Variants in CHSY3 observed in about 807,000 individuals in gnomAD.
The protein encoded by CHSY3 is chondroitin sulfate synthase 3, also known as N-acetylgalactosaminyl-proteoglycan 3-beta-glucuronosyltransferase 3.
In CHSY3, 35 loss-of-function variants were observed where a neutral mutation model predicts 67.2. That is an observed-to-expected ratio of 0.52 (90% confidence interval 0.40 to 0.69). The LOEUF (loss-of-function observed/expected upper bound fraction) is 0.69, where lower values mean the gene tolerates loss of function less well. Among genes scored for constraint, CHSY3 ranks in the 30% least tolerant of loss-of-function variants. The probability of loss-of-function intolerance (pLI) is 0.00; values close to 1 mark genes in which losing one functional copy is unlikely to be tolerated. For synonymous variants in CHSY3, 474 were observed against 434.7 expected (o/e 1.09, Z -1.12); for missense variants, 1,069 against 1,138.5 (o/e 0.94, Z 0.88).
intron 2 of CHSY3, among the ~76,000 whole-genome samples, chr5:130,043,637 C>T (rs534672913): frequency 3.0e-4 from 46 of 152,266 alleles, no homozygotes; most frequent in African/African-American, 1.0e-3. Flanking sequence ...TTATCCTTTG[C>T]AGTACTGTTG....
At chr5:129,957,551 T>A (rs968647916) in intron 2 of CHSY3, among the ~76,000 whole-genome samples, 2 of 152,152 alleles carry the variant, frequency 1.3e-5, no homozygotes, top group African/African-American at 4.8e-5. Flanking sequence ...GTATCTGTAG[T>A]TTTTCCTCAC....
chr5:129,987,085 C>T (rs1433374918), intron 2 of CHSY3, among the ~76,000 whole-genome samples: 1 of 151,480 alleles, frequency 6.6e-6, no homozygotes, highest in Non-Finnish European at 1.5e-5. Flanking sequence ...ATTAAAGTTC[C>T]TTTTTCTGTG....
At chr5:129,960,950 A>G (rs2149607504) in intron 2 of CHSY3, among the ~76,000 whole-genome samples, 1 of 152,246 alleles carries the variant, frequency 6.6e-6, no homozygotes, top group Admixed American at 6.6e-5. Flanking sequence ...AGCCGTGTCC[A>G]CCAGTGGATA....
intron 2 of CHSY3, among the ~76,000 whole-genome samples, chr5:130,065,011 G>A (rs1765837802): frequency 6.6e-6 from 1 of 152,092 alleles, no homozygotes. Context: ...TCATTACCCT[G>A]TGTCATTGAT....
chr5:129,958,086 G>A (rs560693826), intron 2 of CHSY3, among the ~76,000 whole-genome samples: 1 of 152,040 alleles, frequency 6.6e-6, no homozygotes, highest in East Asian at 1.9e-4. Context: ...CTAAATATTT[G>A]TAATGTTCTC....
chr5:130,065,869 C>A (rs900265311), intron 2 of CHSY3, among the ~76,000 whole-genome samples: 1 of 152,082 alleles, frequency 6.6e-6, no homozygotes, highest in Admixed American at 6.6e-5. Context: ...CCTCCCCTGT[C>A]GTATTGGTTC....
intron 2 of CHSY3, among the ~76,000 whole-genome samples, chr5:129,954,474 T>G (rs970544035): frequency 6.6e-6 from 1 of 151,660 alleles, no homozygotes. Flanking sequence ...TTTTTTTTTT[T>G]GGTTCCATAT....
chr5:130,100,118 G>T (rs1200267989), intron 2 of CHSY3, among the ~76,000 whole-genome samples: 1 of 152,164 alleles, frequency 6.6e-6, no homozygotes, highest in East Asian at 1.9e-4. Flanking sequence ...ACAGAGATAA[G>T]GTATGGGAAT....
chr5:129,930,289 C>T (rs1453498621), intron 2 of CHSY3, among the ~76,000 whole-genome samples: 2 of 150,292 alleles, frequency 1.3e-5, no homozygotes, highest in African/African-American at 2.5e-5. Context: ...GACAAGGTCT[C>T]GCCACCGCAC....
At chr5:130,171,598 A>T (rs1473312738) in intron 2 of CHSY3, among the ~76,000 whole-genome samples, 1 of 152,216 alleles carries the variant, frequency 6.6e-6, no homozygotes, top group Non-Finnish European at 1.5e-5. Flanking sequence ...TGTATAGAAT[A>T]TATCTTTCTG....
chr5:129,933,593 T>C (rs958962594), intron 2 of CHSY3, among the ~76,000 whole-genome samples: 1 of 152,192 alleles, frequency 6.6e-6, no homozygotes, highest in African/African-American at 2.4e-5. Context: ...TAATTTTACT[T>C]GTGTACAGAA....
intron 2 of CHSY3, among the ~76,000 whole-genome samples, chr5:130,082,829 C>G (rs557129439): frequency 1.3e-5 from 2 of 151,668 alleles, no homozygotes; most frequent in Admixed American, 1.3e-4. Context: ...GACAGTAGTC[C>G]TCCTGAAATG....
At chr5:130,115,304 G>A (rs1767756784) in intron 2 of CHSY3, among the ~76,000 whole-genome samples, 1 of 151,752 alleles carries the variant, frequency 6.6e-6, no homozygotes, top group South Asian at 2.1e-4. Context: ...TATGTTTAAT[G>A]TTTTAATGGT....
intron 2 of CHSY3, among the ~76,000 whole-genome samples, chr5:130,103,770 G>C (rs916975734): frequency 6.6e-6 from 1 of 151,940 alleles, no homozygotes; most frequent in Non-Finnish European, 1.5e-5. Context: ...TTGACTCCTT[G>C]TTTATAGCCA....
At chr5:130,035,766 G>T (rs141195050) in intron 2 of CHSY3, among the ~76,000 whole-genome samples, 187 of 151,934 alleles carry the variant, frequency 1.2e-3, no homozygotes, top group African/African-American at 4.2e-3. Flanking sequence ...CAAATGACAA[G>T]ATCAGTGCAG....
intron 2 of CHSY3, among the ~76,000 whole-genome samples, chr5:129,926,257 ATTAT>A (rs1434657901): frequency 6.6e-6 from 1 of 152,030 alleles, no homozygotes; most frequent in Non-Finnish European, 1.5e-5. Flanking sequence ...TTTACATGAT[ATTAT>A]TTGTCAAGCC....
intron 2 of CHSY3, among the ~76,000 whole-genome samples, chr5:129,925,809 GTGATC>G (rs760756672): frequency 6.0e-4 from 91 of 152,044 alleles, no homozygotes; most frequent in Non-Finnish European, 1.1e-3. Flanking sequence ...AATGCTTAGT[GTGATC>G]TGAAAGGGAG....
chr5:129,925,284 A>C (rs114471088), intron 2 of CHSY3, among the ~76,000 whole-genome samples: 4 of 152,172 alleles, frequency 2.6e-5, no homozygotes, highest in Non-Finnish European at 5.9e-5. Context: ...TGATATATAA[A>C]CATTCAGGGA....
chr5:129,970,806 CA>C (rs1762620470), intron 2 of CHSY3, among the ~76,000 whole-genome samples: 1 of 151,826 alleles, frequency 6.6e-6, no homozygotes. Flanking sequence ...TACCAGAAGC[CA>C]TGCTGCAATT....
Sources: allele counts gnomAD v4.1 joint callset (sites outside exome capture counted in the v4.1 genomes callset), GRCh38; gene constraint gnomAD v4.1.1; transcripts MANE v1.5; gene names NCBI Gene and HGNC (gene_info 2026-07-23, HGNC 2026-07-21).